CRADD: variants seen among roughly 807,000 people sequenced by gnomAD.
CRADD encodes death domain-containing protein CRADD.
A neutral mutation model predicts 15.5 loss-of-function variants in CRADD; 9 were observed. That is an observed-to-expected ratio of 0.58 (90% CI 0.35 to 1.01). The LOEUF is 1.01. Ranked by LOEUF, CRADD falls within the 50% of genes least tolerant of loss-of-function variation. The pLI, the probability that CRADD is intolerant of heterozygous loss-of-function variation, is 0.02. For synonymous variants in CRADD, 118 were observed against 107.6 expected (o/e 1.10, Z -0.60); for missense variants, 227 against 250.3 (o/e 0.91, Z 0.63).
chr12:93,796,332 C>T (rs1471544155), intron 2 of CRADD, among the ~76,000 whole-genome samples: 5 of 152,022 alleles, frequency 3.3e-5, no homozygotes, highest in Non-Finnish European at 7.4e-5. Flanking sequence ...GGGCTGGGCA[C>T]GATGGCTCAC....
intron 2 of CRADD, among the ~76,000 whole-genome samples, chr12:93,834,256 T>G (rs190205609): frequency 2.0e-5 from 3 of 152,360 alleles, no homozygotes; most frequent in African/African-American, 7.2e-5. Context: ...ATCATTTTCA[T>G]ACTAGACAGT....
intron 2 of CRADD, among the ~76,000 whole-genome samples, chr12:93,806,349 G>T (rs1467180293): frequency 6.6e-6 from 1 of 151,004 alleles, no homozygotes; most frequent in Non-Finnish European, 1.5e-5. Context: ...CTACTCAGGA[G>T]GCTGAGGCAG....
At chr12:93,838,556 TTCTC>T (rs139864684) in intron 2 of CRADD, among the ~76,000 whole-genome samples, 3 of 140,966 alleles carry the variant, frequency 2.1e-5, no homozygotes, top group Admixed American at 7.0e-5. Context: ...GCTTCTCTCT[TTCTC>T]TCTCTTTTTT....
intron 2 of CRADD, among the ~76,000 whole-genome samples, chr12:93,867,627 A>C (rs1047706086): frequency 1.3e-5 from 2 of 152,090 alleles, no homozygotes; most frequent in African/African-American, 4.8e-5. Context: ...CTAATTTACA[A>C]AGATAAAACT....
At chr12:93,832,340 T>C (rs1957916197) in intron 2 of CRADD, among the ~76,000 whole-genome samples, 1 of 152,212 alleles carries the variant, frequency 6.6e-6, no homozygotes, top group East Asian at 1.9e-4. Flanking sequence ...TTTTCATTTC[T>C]TTGGTCTTAC....
chr12:93,713,027 T>G (rs969097923), intron 2 of CRADD, among the ~76,000 whole-genome samples: 1 of 152,122 alleles, frequency 6.6e-6, no homozygotes, highest in Non-Finnish European at 1.5e-5. Flanking sequence ...TCAAGCAAAA[T>G]AGAATCTTTT....
intron 2 of CRADD, among the ~76,000 whole-genome samples, chr12:93,689,448 G>C (rs1955514938): frequency 6.6e-6 from 1 of 151,426 alleles, no homozygotes; most frequent in Admixed American, 6.6e-5. Context: ...ATTTCCCCCA[G>C]ACTAAAAAAA....
Position 93,779,693 on chromosome 12 carries a change from G to A in CRADD, c.299-70277G>A, listed in dbSNP as rs1210299044. Among the ~76,000 whole-genome samples the A allele has an allele frequency of 2.6e-5, 4 of 151,372 alleles. No individual in the cohort carries two copies. The East Asian group carries it at 5.9e-4, about 22-fold the overall frequency. The stretch of plus-strand genomic sequence containing the variant: ...CAACCTCCACCTCCTGGGTTCAAGC[G>A]ATTCTCCTGGCTTAGCCTCTGGAGT... On this transcript the variant is annotated intron_variant, in intron 2 of 2. Transcript: ENST00000332896.
intron 2 of CRADD, among the ~76,000 whole-genome samples, chr12:93,797,801 C>T (rs1320271784): frequency 6.6e-6 from 1 of 152,050 alleles, no homozygotes; most frequent in Non-Finnish European, 1.5e-5. Flanking sequence ...AAAATAAAGA[C>T]AAAAGGACAC....
chr12:93,683,161 G>A (rs1282248166), intron 2 of CRADD, among the ~76,000 whole-genome samples: 1 of 152,156 alleles, frequency 6.6e-6, no homozygotes. Context: ...AGCTAATCTG[G>A]ATCTGGAAAG....
Position 93,678,969 on chromosome 12 carries a change from C to CTTT in CRADD, c.195_196insTTT (p.Gly65_Pro66insPhe), listed in dbSNP as rs758014894. On this transcript the variant is annotated inframe_insertion, in exon 2 of 3. Coordinates refer to ENST00000332896, the MANE Select transcript of CRADD (RefSeq NM_003805.5). ...TGCTGGATATCCTACCTTCCAGGGGCCCTAAAGCATTTGATACATTCCTAG... is the reference window on the plus strand; with the variant it reads ...TGCTGGATATCCTACCTTCCAGGGGCTTTCCTAAAGCATTTGATACATTCCTAG... The CTTT allele has an allele frequency of 1.9e-6, 3 of 1,613,874 alleles. No homozygotes were observed. The highest frequency in any genetic ancestry group is 2.5e-6 in the Non-Finnish European group (3 of 1,179,762).
intron 2 of CRADD, among the ~76,000 whole-genome samples, chr12:93,685,896 G>A (rs1483843081): frequency 1.3e-5 from 2 of 152,142 alleles, no homozygotes; most frequent in Admixed American, 6.5e-5. Context: ...GGGAGGCTGA[G>A]GCAGGAGAAT....
At chr12:93,790,912 G>GACACACACACACACACACACAC (rs58305551) in intron 2 of CRADD, among the ~76,000 whole-genome samples, 49 of 144,734 alleles carry the variant, frequency 3.4e-4, no homozygotes, top group African/African-American at 1.1e-3. Flanking sequence ...CCATATACAT[G>GACACACACACACACACACACAC]ACACACACAC....
chr12:93,816,774 A>G (rs564708455), intron 2 of CRADD, among the ~76,000 whole-genome samples: 1 of 152,278 alleles, frequency 6.6e-6, no homozygotes, highest in African/African-American at 2.4e-5. Flanking sequence ...TAGAATGACA[A>G]TGGATGGGGA....
At chr12:93,871,705 A>G (rs1958421559) in intron 2 of CRADD, among the ~76,000 whole-genome samples, 1 of 152,162 alleles carries the variant, frequency 6.6e-6, no homozygotes, top group South Asian at 2.1e-4. Context: ...CTTCATAATG[A>G]TATCTGGTTC....
At chr12:93,790,573 A>G (rs962619738) in intron 2 of CRADD, 4 of 152,118 alleles carry the variant, frequency 2.6e-5, no homozygotes, top group Middle Eastern at 3.4e-3. Flanking sequence ...CTTACAGTCT[A>G]TATTTGTGTA....
intron 2 of CRADD, among the ~76,000 whole-genome samples, chr12:93,803,803 G>A (rs997285732): frequency 6.6e-6 from 1 of 152,004 alleles, no homozygotes; most frequent in Non-Finnish European, 1.5e-5. Context: ...GTGATTAAGG[G>A]TACTGATCTT....
chr12:93,808,018 G>C (rs1391783225), intron 2 of CRADD, among the ~76,000 whole-genome samples: 2 of 148,610 alleles, frequency 1.3e-5, no homozygotes, highest in East Asian at 3.9e-4. Flanking sequence ...AGCAGGCTAA[G>C]GAACAGAGGT....
chr12:93,783,145 A>G (rs1313692648), intron 2 of CRADD, among the ~76,000 whole-genome samples: 8 of 151,316 alleles, frequency 5.3e-5, no homozygotes, highest in Non-Finnish European at 1.0e-4. Context: ...CTTTCCTTCT[A>G]TTTCTTAAGA....
Sources: gnomAD v4.1 joint callset for allele counts (sites outside exome capture counted in the v4.1 genomes callset) on GRCh38, gnomAD v4.1.1 for gene constraint, MANE v1.5 for transcripts, NCBI Gene and HGNC (gene_info 2026-07-23, HGNC 2026-07-21) for gene names.